The following TRABD2B variants were observed in gnomAD, a reference collection of about 807,000 sequenced individuals.
TRABD2B encodes TraB domain containing 2B.
A neutral mutation model predicts 40.1 loss-of-function variants in TRABD2B; 14 were observed. That is an observed-to-expected ratio of 0.35 (90% CI 0.23 to 0.55). The LOEUF (loss-of-function observed/expected upper bound fraction) is 0.55, where lower values mean the gene tolerates loss of function less well. TRABD2B is among the 20% of genes least tolerant of loss of function. The pLI, the probability that TRABD2B is intolerant of heterozygous loss-of-function variation, is 0.90. For synonymous variants in TRABD2B, 263 were observed against 277.0 expected (o/e 0.95, Z 0.50); for missense variants, 541 against 648.6 (o/e 0.83, Z 1.80).
intron 2 of TRABD2B, among the ~76,000 whole-genome samples, chr1:47,978,868 C>G (rs981578938): frequency 1.3e-5 from 2 of 152,176 alleles, no homozygotes; most frequent in Non-Finnish European, 2.9e-5. Flanking sequence ...CAAACAGAAG[C>G]TCTGATCCGT....
chr1:47,924,476 A>T (rs1644945288), intron 2 of TRABD2B, among the ~76,000 whole-genome samples: 1 of 152,140 alleles, frequency 6.6e-6, no homozygotes, highest in African/African-American at 2.4e-5. Flanking sequence ...TTTCTCTGAG[A>T]ACAAGAGGAG....
rs79065898 is a variant in TRABD2B, at chr1:47,965,426, T to C, written c.666+28608A>G. Among the ~76,000 whole-genome samples, 212 of 151,380 alleles carry C rather than the reference T, an allele frequency of 1.4e-3. 6 individuals are homozygous for C. In the East Asian group the frequency reaches 0.038, roughly 27 times the overall value. On this transcript the variant is annotated intron_variant, in intron 2 of 6. Coordinates refer to ENST00000606738, the MANE Select transcript of TRABD2B (RefSeq NM_001194986.2). ...AAATCTCCTTGGGGGCCAGGAAGTC[T>C]AGTGCACTCCTGTGGATGAAGCCCA... is the stretch of plus-strand genomic sequence containing the variant.
intron 2 of TRABD2B, among the ~76,000 whole-genome samples, chr1:47,834,100 T>C (rs565872405): frequency 2.5e-4 from 38 of 152,312 alleles, no homozygotes; most frequent in African/African-American, 7.7e-4. Flanking sequence ...AAAATCCCAT[T>C]CCCAGACAAC....
intron 2 of TRABD2B, among the ~76,000 whole-genome samples, chr1:47,862,995 A>C (rs1419508004): frequency 6.6e-6 from 1 of 152,200 alleles, no homozygotes; most frequent in African/African-American, 2.4e-5. Context: ...TAGTGCTTGA[A>C]CAAATGGTCA....
intron 2 of TRABD2B, among the ~76,000 whole-genome samples, chr1:47,873,089 G>C (rs1263601890): frequency 2.0e-5 from 3 of 152,124 alleles, no homozygotes; most frequent in African/African-American, 7.2e-5. Flanking sequence ...AGCTCTAGGG[G>C]GTAGCTTTAA....
rs371125692 is a variant in TRABD2B, at chr1:47,962,199, G to T, written c.666+31835C>A. 6.0e-5 allele frequency among the ~76,000 whole-genome samples: 9 copies of T among 149,966 alleles called. No homozygotes were observed. In the East Asian group the frequency reaches 1.2e-3, roughly 20 times the overall value. On this transcript the variant is annotated intron_variant, in intron 2 of 6. Coordinates refer to ENST00000606738, the MANE Select transcript of TRABD2B (RefSeq NM_001194986.2). ...GGACACGGGAAGGGGAACATCACAC[G>T]CCGGGGCCTGTTGTGGGGTGGGGGG...
At chr1:47,954,536 G>C (rs967931696) in intron 2 of TRABD2B, among the ~76,000 whole-genome samples, 1 of 152,146 alleles carries the variant, frequency 6.6e-6, no homozygotes, top group Non-Finnish European at 1.5e-5. Flanking sequence ...ACAGAGGAGG[G>C]AATAACTAAA....
chr1:47,785,887 C>T (rs147219912), intron 4 of TRABD2B, among the ~76,000 whole-genome samples: 1 of 152,336 alleles, frequency 6.6e-6, no homozygotes, highest in East Asian at 1.9e-4. Context: ...AGCCTCAGTG[C>T]TACTTGGAGC....
intron 2 of TRABD2B, among the ~76,000 whole-genome samples, chr1:47,917,854 C>T (rs1178712195): frequency 1.3e-5 from 2 of 152,184 alleles, no homozygotes; most frequent in Non-Finnish European, 2.9e-5. Flanking sequence ...GGCCCGCAGG[C>T]GTGTGCTGCT....
At chr1:47,924,093 T>C (rs11586301) in intron 2 of TRABD2B, among the ~76,000 whole-genome samples, 146,047 of 152,190 alleles carry the variant, frequency 0.96, 70,392 homozygotes, top group Non-Finnish European at 1. Context: ...TGTAGAGCCT[T>C]GGGTCTGCAT....
At chr1:47,970,892 G>T (rs997820973) in intron 2 of TRABD2B, among the ~76,000 whole-genome samples, 1 of 152,140 alleles carries the variant, frequency 6.6e-6, no homozygotes, top group Non-Finnish European at 1.5e-5. Context: ...GTCTGCTAGC[G>T]TCTCACTGGC....
intron 4 of TRABD2B, among the ~76,000 whole-genome samples, chr1:47,785,548 G>A (rs997127530): frequency 1.3e-5 from 2 of 152,242 alleles, no homozygotes; most frequent in South Asian, 2.1e-4. Context: ...TACAAATTCC[G>A]AGAGGAGCAA....
intron 4 of TRABD2B, among the ~76,000 whole-genome samples, chr1:47,784,380 C>T (rs1299179418): frequency 2.0e-5 from 3 of 152,114 alleles, no homozygotes; most frequent in African/African-American, 7.2e-5. Flanking sequence ...AAGAATAACA[C>T]ACAATTAACA....
At chr1:47,936,707 C>T (rs542304810) in intron 2 of TRABD2B, among the ~76,000 whole-genome samples, 5 of 152,290 alleles carry the variant, frequency 3.3e-5, no homozygotes, top group South Asian at 4.1e-4. Context: ...TTATGAGCTG[C>T]GTGATCTTGG....
intron 2 of TRABD2B, among the ~76,000 whole-genome samples, chr1:47,890,740 T>A (rs1644433606): frequency 6.6e-6 from 1 of 152,346 alleles, no homozygotes; most frequent in East Asian, 1.9e-4. Context: ...ATTGTCCCTT[T>A]AACGTTCATT....
At chr1:47,853,039 C>A (rs1377258020) in intron 2 of TRABD2B, among the ~76,000 whole-genome samples, 3 of 152,074 alleles carry the variant, frequency 2.0e-5, no homozygotes, top group Non-Finnish European at 4.4e-5. Flanking sequence ...GAAAGCCTCC[C>A]CAACATCCTG....
chr1:47,818,173 G>A (rs942511159), intron 2 of TRABD2B: 2 of 152,336 alleles, frequency 1.3e-5, no homozygotes, highest in African/African-American at 4.8e-5. Context: ...CCCATGGGAT[G>A]GAGGGCTGGG....
chr1:47,905,716 T>C (rs1644667834), intron 2 of TRABD2B, among the ~76,000 whole-genome samples: 2 of 152,188 alleles, frequency 1.3e-5, no homozygotes, highest in African/African-American at 4.8e-5. Context: ...CTCTCTTTTC[T>C]TTCTCTTTCT....
intron 2 of TRABD2B, among the ~76,000 whole-genome samples, chr1:47,988,886 T>C (rs1419290376): frequency 6.6e-6 from 1 of 152,244 alleles, no homozygotes. Flanking sequence ...GAATACGACC[T>C]GCCTATGCTG....
Sources: allele counts gnomAD v4.1 joint callset (sites outside exome capture counted in the v4.1 genomes callset), GRCh38; gene constraint gnomAD v4.1.1; transcripts MANE v1.5; gene names NCBI Gene and HGNC (gene_info 2026-07-23, HGNC 2026-07-21).